The following CTNND2 variants were observed in gnomAD, a reference collection of about 807,000 sequenced individuals.
CTNND2 encodes the protein catenin delta-2.
In CTNND2, 22 loss-of-function variants were observed where a neutral mutation model predicts 144.4. The observed-to-expected ratio is 0.15, with a 90% CI of 0.11 to 0.22. The LOEUF (loss-of-function observed/expected upper bound fraction) is 0.22. CTNND2 is among the 10% of genes least tolerant of loss of function. The probability of loss-of-function intolerance (pLI) is 1.00; values close to 1 mark genes in which losing one functional copy is unlikely to be tolerated. For synonymous variants in CTNND2, 751 were observed against 695.6 expected (o/e 1.08, Z -1.25); for missense variants, 1,353 against 1,618.8 (o/e 0.84, Z 2.82).
chr5:11,769,078 T>C (rs1247849491), intron 1 of CTNND2, among the ~76,000 whole-genome samples: 1 of 152,184 alleles, frequency 6.6e-6, no homozygotes, highest in Non-Finnish European at 1.5e-5. Flanking sequence ...CCGAATCTCC[T>C]GGGGACCTTG....
intron 16 of CTNND2, among the ~76,000 whole-genome samples, chr5:11,080,141 C>T (rs867818450): frequency 1.3e-5 from 2 of 151,906 alleles, no homozygotes; most frequent in East Asian, 1.9e-4. Flanking sequence ...AAACAAATAA[C>T]CTGATTAAAA....
intron 17 of CTNND2, among the ~76,000 whole-genome samples, chr5:11,019,226 T>C (rs560237739): frequency 7.0e-6 from 1 of 143,406 alleles, no homozygotes; most frequent in South Asian, 2.4e-4. Flanking sequence ...TTCCTTTGAC[T>C]TAAAGACAGA....
At chr5:11,691,731 CCT>C (rs1561699169) in intron 2 of CTNND2, among the ~76,000 whole-genome samples, 1 of 152,012 alleles carries the variant, frequency 6.6e-6, no homozygotes, top group Non-Finnish European at 1.5e-5. Flanking sequence ...ACAGTCGTCC[CCT>C]CTCTACGAAA....
chr5:11,138,206 T>G (rs1294313673), intron 12 of CTNND2, among the ~76,000 whole-genome samples: 3 of 152,226 alleles, frequency 2.0e-5, no homozygotes, highest in Non-Finnish European at 2.9e-5. Flanking sequence ...TCTCTCATTC[T>G]GCTGCATCTC....
intron 8 of CTNND2, among the ~76,000 whole-genome samples, chr5:11,349,007 T>G (rs1242689473): frequency 6.6e-6 from 1 of 152,166 alleles, no homozygotes; most frequent in East Asian, 1.9e-4. Context: ...AGAGCTTGGT[T>G]TCTAAAGGTG....
intron 20 of CTNND2, among the ~76,000 whole-genome samples, chr5:10,983,214 T>A (rs1277298536): frequency 6.6e-6 from 1 of 152,246 alleles, no homozygotes; most frequent in Non-Finnish European, 1.5e-5. Context: ...ATTACCCTTA[T>A]TTGATTGTTA....
chr5:11,772,969 C>T (rs181984765), intron 1 of CTNND2, among the ~76,000 whole-genome samples: 88 of 152,236 alleles, frequency 5.8e-4, no homozygotes, highest in African/African-American at 1.8e-3. Flanking sequence ...TCTCAAAGAG[C>T]AGAAATATAA....
intron 11 of CTNND2, among the ~76,000 whole-genome samples, chr5:11,173,574 CAAGTGCAGTGGGAGGGATACCATT>C (rs1336345985): frequency 3.9e-5 from 6 of 152,094 alleles, no homozygotes; most frequent in African/African-American, 1.4e-4. Context: ...TTTTATCCAC[CAAGTGCAGTGGGAGGGATACCATT>C]AAGCAGGTAA....
chr5:11,801,916 C>T (rs6554643), intron 1 of CTNND2, among the ~76,000 whole-genome samples: 147,626 of 152,268 alleles, frequency 0.97, 71,707 homozygotes, highest in East Asian at 1. Context: ...AAAAATGAAA[C>T]TACCACCCAG....
intron 11 of CTNND2, among the ~76,000 whole-genome samples, chr5:11,181,758 ATG>A (rs67991658): frequency 0.39 from 34,458 of 88,810 alleles, 4,968 homozygotes; most frequent in Middle Eastern, 0.5. Flanking sequence ...GGATGTGTGT[ATG>A]TGTGTGTGTG....
intron 9 of CTNND2, among the ~76,000 whole-genome samples, chr5:11,328,240 A>G (rs2149711362): frequency 6.6e-6 from 1 of 152,156 alleles, no homozygotes; most frequent in Non-Finnish European, 1.5e-5. Flanking sequence ...GAGCAGATAA[A>G]TGTATATGTG....
At chr5:11,587,373 T>A (rs937832750) in intron 2 of CTNND2, among the ~76,000 whole-genome samples, 3 of 152,116 alleles carry the variant, frequency 2.0e-5, no homozygotes, top group Admixed American at 6.5e-5. Flanking sequence ...TTAGTTGAAA[T>A]GAAATACTTA....
intron 11 of CTNND2, among the ~76,000 whole-genome samples, chr5:11,182,905 G>A (rs576787489): frequency 1.3e-5 from 2 of 152,316 alleles, no homozygotes; most frequent in African/African-American, 4.8e-5. Flanking sequence ...GAGCCCCCTG[G>A]AGGTAAAGGG....
At chr5:11,444,272 A>G (rs1764602480) in intron 3 of CTNND2, among the ~76,000 whole-genome samples, 1 of 152,186 alleles carries the variant, frequency 6.6e-6, no homozygotes, top group African/African-American at 2.4e-5. Flanking sequence ...TACACAAAGC[A>G]TTTTCTCTTC....
chr5:11,860,525 T>C (rs934461560), intron 1 of CTNND2, among the ~76,000 whole-genome samples: 1 of 152,218 alleles, frequency 6.6e-6, no homozygotes, highest in Admixed American at 6.5e-5. Flanking sequence ...GATTCTATAA[T>C]GCACATAAGA....
At chr5:11,134,701 T>C (rs963517837) in intron 12 of CTNND2, among the ~76,000 whole-genome samples, 1 of 152,222 alleles carries the variant, frequency 6.6e-6, no homozygotes, top group African/African-American at 2.4e-5. Flanking sequence ...ATGTCTCTTG[T>C]TGCAGGAAGA....
intron 3 of CTNND2, among the ~76,000 whole-genome samples, chr5:11,528,606 G>A (rs889540354): frequency 9.2e-5 from 14 of 152,100 alleles, no homozygotes; most frequent in Non-Finnish European, 1.8e-4. Context: ...GGTCCTCAGG[G>A]AACTCTTCCT....
At chr5:11,562,394 T>C (rs943043739) in intron 3 of CTNND2, among the ~76,000 whole-genome samples, 2 of 152,228 alleles carry the variant, frequency 1.3e-5, no homozygotes, top group Non-Finnish European at 2.9e-5. Flanking sequence ...TAAAGGTGCA[T>C]TTCTAAAGCC....
intron 11 of CTNND2, among the ~76,000 whole-genome samples, chr5:11,198,267 G>A (rs1326409585): frequency 2.0e-5 from 3 of 152,060 alleles, no homozygotes; most frequent in South Asian, 2.1e-4. Flanking sequence ...TTAGTAGCAC[G>A]GCAATTTTAA....
Sources: allele counts gnomAD v4.1 joint callset (sites outside exome capture counted in the v4.1 genomes callset), GRCh38; gene constraint gnomAD v4.1.1; transcripts MANE v1.5; gene names NCBI Gene and HGNC (gene_info 2026-07-23, HGNC 2026-07-21).